Variants in RAB32 observed in about 807,000 individuals in gnomAD.
The protein encoded by RAB32 is RAB32, member RAS oncogene family.
Under a neutral mutation model 17.5 loss-of-function variants are expected in RAB32, and 17 were observed. The ratio of observed to expected loss-of-function variants is 0.97; its 90% CI spans 0.67 to 1.46. The LOEUF is 1.46. Ranked by LOEUF, RAB32 falls within the 40% of genes most tolerant of loss-of-function variation. RAB32 has a pLI of 0.00. For synonymous variants in RAB32, 115 were observed against 111.1 expected, an observed-to-expected ratio of 1.04 and a Z score of -0.22; for missense variants, 288 against 284.3, an observed-to-expected ratio of 1.01 and a Z score of -0.09.
At chr6:146,549,361 G>C (rs1779867109) in intron 1 of RAB32, 103 bp from the exon 2 acceptor site, 3 of 886,220 alleles carry the variant, frequency 3.4e-6, no homozygotes, top group Admixed American at 5.2e-5. Flanking sequence ...TGGAATGGAA[G>C]ACATTTGTTC....
chr6:146,547,823 T>G (rs939634306), intron 1 of RAB32, among the ~76,000 whole-genome samples: 1 of 152,102 alleles, frequency 6.6e-6, no homozygotes, highest in Non-Finnish European at 1.5e-5. Flanking sequence ...CCCCACTCTC[T>G]TTTCTAAATT....
intron 1 of RAB32, among the ~76,000 whole-genome samples, chr6:146,547,359 G>A (rs901633496): frequency 6.6e-6 from 1 of 152,038 alleles, no homozygotes; most frequent in Admixed American, 6.5e-5. Flanking sequence ...TAGCCTTCAT[G>A]TATTGACTGA....
chr6:146,546,046 T>C (rs1489947050), intron 1 of RAB32, among the ~76,000 whole-genome samples: 2 of 152,186 alleles, frequency 1.3e-5, no homozygotes, highest in African/African-American at 2.4e-5. Flanking sequence ...AGGAGTAAGA[T>C]ACAAATTTTC....
chr6:146,548,232 A>G (rs1056742187), intron 1 of RAB32, among the ~76,000 whole-genome samples: 3 of 152,168 alleles, frequency 2.0e-5, no homozygotes, highest in Admixed American at 1.3e-4. Flanking sequence ...CTTCAGTTAA[A>G]CCATATGAGG....
At chr6:146,544,789 C>A (rs934978434) in intron 1 of RAB32, among the ~76,000 whole-genome samples, 1 of 142,074 alleles carries the variant, frequency 7.0e-6, no homozygotes, top group Non-Finnish European at 1.6e-5. Flanking sequence ...GCCCCCCCCC[C>A]ACTCCTCAAT....
intron 1 of RAB32, among the ~76,000 whole-genome samples, chr6:146,545,675 T>C (rs930054748): frequency 2.0e-5 from 3 of 152,214 alleles, no homozygotes; most frequent in Non-Finnish European, 4.4e-5. Context: ...TGTTGTTTTT[T>C]GTTACCAAAA....
chr6:146,546,386 A>G (rs1340330145), intron 1 of RAB32, among the ~76,000 whole-genome samples: 1 of 152,022 alleles, frequency 6.6e-6, no homozygotes, highest in East Asian at 1.9e-4. Context: ...GAATTTTAAT[A>G]TCTCTGAATA....
At position 146,543,904 on chromosome 6, in the gene RAB32, G is replaced by C; in HGVS notation, c.33G>C (p.Leu11=). 1.9e-6 allele frequency: 3 copies of C among 1,584,718 alleles called. No homozygotes were observed. The highest frequency in any genetic ancestry group is 2.6e-6 in the Non-Finnish European group (3 of 1,167,848). Residue 11 remains leucine (L), a synonymous_variant, in exon 1 of 3, where the codon CTG becomes CTC. Transcript: ENST00000367495. MAGGGAGDPG[L]GAAAAPAPET... ...GCGGAGGAGCCGGGGACCCCGGCCT[G>C]GGGGCGGCCGCCGCCCCAGCGCCCG...
rs73586085 is a variant in RAB32 at position 146,554,412 on chromosome 6, A to G, written c.529-44A>G. 1.8e-3 allele frequency: 2,868 copies of G among 1,564,574 alleles called. 48 individuals carry two copies. The African/African-American group carries it at 0.035, about 19-fold the overall frequency. On this transcript the variant is annotated intron_variant, in intron 2 of 2. Transcript: ENST00000367495. ...ATACTCTTAATGCCTTATTCTAAGA[A>G]TTAATCCTAAAAATTAATCCCGTTC...
intron 1 of RAB32, among the ~76,000 whole-genome samples, chr6:146,544,739 C>T (rs1179222905): frequency 6.6e-6 from 1 of 151,140 alleles, no homozygotes; most frequent in Non-Finnish European, 1.5e-5. Flanking sequence ...TCTTGCTAAA[C>T]CAACACCTAG....
Position 146,554,701 on chromosome 6 carries a change from G to A in RAB32, c.*96G>A, listed in dbSNP as rs1009516435. On this transcript the variant is annotated 3_prime_UTR_variant, in exon 3 of 3. Coordinates refer to ENST00000367495, the MANE Select transcript of RAB32 (RefSeq NM_006834.5). ...ATGTTAGCTGGGAGTCTTCCCACATGTGGCACTTCAAAAGGCAGCACCACT... is the reference window on the plus strand; with the variant it reads ...ATGTTAGCTGGGAGTCTTCCCACATATGGCACTTCAAAAGGCAGCACCACT... The A allele has an allele frequency of 1.5e-5, 21 of 1,391,312 alleles. No individual in the cohort carries two copies. Among genetic ancestry groups the A allele is most frequent in the Non-Finnish European group, 1.9e-6 (2 of 1,030,988 alleles). 86.2% of individuals were successfully genotyped at this position (1,391,312 alleles called of 1,614,324 possible).
At chr6:146,547,750 A>T (rs1192541297) in intron 1 of RAB32, among the ~76,000 whole-genome samples, 33 of 148,580 alleles carry the variant, frequency 2.2e-4, no homozygotes, top group African/African-American at 7.6e-4. Context: ...AGCAACAGTC[A>T]CTAAAGTTTA....
intron 2 of RAB32, among the ~76,000 whole-genome samples, chr6:146,552,588 ATATG>A (rs1181404561): frequency 2.0e-5 from 3 of 152,306 alleles, no homozygotes; most frequent in East Asian, 3.9e-4. Context: ...GTGTATAGAT[ATATG>A]TATGTACACA....
chr6:146,553,016 G>A (rs140542250), intron 2 of RAB32, among the ~76,000 whole-genome samples: 1 of 152,248 alleles, frequency 6.6e-6, no homozygotes, highest in Admixed American at 6.5e-5. Flanking sequence ...TGATAAAAAT[G>A]AACAAATGAA....
At chr6:146,549,439 A>C in intron 1 of RAB32, 25 bp from the exon 2 acceptor site, 1 of 1,591,334 alleles carries the variant, frequency 6.3e-7, no homozygotes, top group Non-Finnish European at 8.5e-7. Context: ...ACAAGTTTTT[A>C]ATTTTTTCTT....
At position 146,543,898 on chromosome 6, in the gene RAB32, C is replaced by A. The variant is rs750167796; in HGVS notation, c.27C>A (p.Pro9=). The A allele has an allele frequency of 9.6e-6, 15 of 1,565,004 alleles. No homozygotes were observed. The South Asian group carries it at 1.7e-4, about 18-fold the overall frequency. ...TGGCGGGCGGAGGAGCCGGGGACCC[C>A]GGCCTGGGGGCGGCCGCCGCCCCAG... MAGGGAGD[P]GLGAAAAPAP... The change falls in exon 1 of 3, where the codon CCC becomes CCA. Residue 9 remains proline, a synonymous_variant. Coordinates refer to ENST00000367495, the MANE Select transcript of RAB32 (RefSeq NM_006834.5).
chr6:146,545,473 A>G (rs956666556), intron 1 of RAB32, among the ~76,000 whole-genome samples: 1 of 152,164 alleles, frequency 6.6e-6, no homozygotes, highest in African/African-American at 2.4e-5. Flanking sequence ...GGGGGATCAC[A>G]GGTCTACTGT....
chr6:146,544,369 C>A (rs1374829861), intron 1 of RAB32, among the ~76,000 whole-genome samples: 3 of 151,860 alleles, frequency 2.0e-5, no homozygotes, highest in Non-Finnish European at 4.4e-5. Flanking sequence ...TGAAGGGAGG[C>A]GAGGAGGCCA....
chr6:146,551,008 A>G (rs1779890931), intron 2 of RAB32, among the ~76,000 whole-genome samples: 1 of 152,290 alleles, frequency 6.6e-6, no homozygotes, highest in South Asian at 2.1e-4. Context: ...GCTCTACTAG[A>G]AACTTACCCT....
Sources: gnomAD v4.1 joint callset for allele counts (sites outside exome capture counted in the v4.1 genomes callset) on GRCh38, gnomAD v4.1.1 for gene constraint, MANE v1.5 for transcripts, NCBI Gene and HGNC (gene_info 2026-07-23, HGNC 2026-07-21) for gene names.